Variants in PEBP4 observed in about 807,000 individuals in gnomAD.
PEBP4 encodes phosphatidylethanolamine-binding protein 4.
In PEBP4, 22 loss-of-function variants were observed where a neutral mutation model predicts 23.9. The observed-to-expected ratio is 0.92, with a 90% CI of 0.66 to 1.31. PEBP4 has a LOEUF of 1.31. Among genes scored for constraint, PEBP4 ranks in the 40% most tolerant of loss-of-function variants. The pLI, the probability that PEBP4 is intolerant of heterozygous loss-of-function variation, is 0.00. For missense variants in PEBP4, 324 were observed against 281.7 expected, an observed-to-expected ratio of 1.15 and a Z score of -1.07; for synonymous variants, 112 against 99.3, an observed-to-expected ratio of 1.13 and a Z score of -0.76.
At chr8:22,745,336 C>T (rs979314219) in intron 4 of PEBP4, among the ~76,000 whole-genome samples, 4 of 152,148 alleles carry the variant, frequency 2.6e-5, no homozygotes, top group Non-Finnish European at 5.9e-5. Context: ...CCTTGGGTCC[C>T]GCAGAGGATT....
At chr8:22,845,588 T>G (rs1807415791) in intron 3 of PEBP4, among the ~76,000 whole-genome samples, 1 of 152,174 alleles carries the variant, frequency 6.6e-6, no homozygotes, top group Non-Finnish European at 1.5e-5. Flanking sequence ...GAGCCTCCTC[T>G]GATCTTGCCA....
At position 22,713,395 on chromosome 8, in the gene PEBP4, T is replaced by G. The variant is rs780546856; in HGVS notation, c.659A>C (p.Asn220Thr). The change falls in exon 7 of 7, where the codon AAC (asparagine) becomes ACC (threonine). Residue 220 changes from asparagine to threonine, a missense_variant. By Grantham distance (65) the Asn-to-Thr change is moderately conservative. Transcript: ENST00000256404. ...CTAGCAGGCAGCTATCTCCGCCTGG[T>G]TTTTGTGCTTGGGCTCGCTGGCCCT... ...RERASEPKHKNQAEIAAC is the reference protein window; with the variant it reads ...RERASEPKHKTQAEIAAC 1.3e-6 allele frequency: 1 copy of G among 765,032 alleles called. No individual in the cohort carries two copies. Among genetic ancestry groups the G allele is most frequent in the African/African-American group, 2.4e-5 (1 of 41,104 alleles). 47.4% of individuals were successfully genotyped at this position (765,032 alleles called of 1,614,324 possible). A position where few individuals can be genotyped will look rare whatever the true frequency, so the allele number is the denominator to read the frequency against.
At chr8:22,804,051 GGT>G (rs747178858) in intron 4 of PEBP4, among the ~76,000 whole-genome samples, 15 of 152,226 alleles carry the variant, frequency 9.9e-5, no homozygotes, top group Non-Finnish European at 2.1e-4. Context: ...GCAGGGGCTG[GGT>G]GCGGTGGCTC....
At chr8:22,771,510 T>A (rs1209944180) in intron 4 of PEBP4, among the ~76,000 whole-genome samples, 1 of 151,788 alleles carries the variant, frequency 6.6e-6, no homozygotes, top group Non-Finnish European at 1.5e-5. Flanking sequence ...AAAAAGAAAA[T>A]TTGTATAGAT....
intron 4 of PEBP4, chr8:22,757,450 T>G (rs1028056): frequency 0.69 from 105,008 of 152,272 alleles, 36,919 homozygotes; most frequent in Middle Eastern, 0.76. Flanking sequence ...GCTTCCTTCC[T>G]CCAGGCAGCT....
intron 4 of PEBP4, among the ~76,000 whole-genome samples, chr8:22,759,513 G>C (rs1185279827): frequency 6.6e-6 from 1 of 152,122 alleles, no homozygotes; most frequent in Non-Finnish European, 1.5e-5. Context: ...ACCATGAGGG[G>C]TAGAGGTGCC....
At chr8:22,762,076 G>A (rs1283362029) in intron 4 of PEBP4, among the ~76,000 whole-genome samples, 3 of 145,702 alleles carry the variant, frequency 2.1e-5, no homozygotes, top group Non-Finnish European at 4.5e-5. Context: ...CCCTATGTTA[G>A]TTTGCTTATT....
intron 3 of PEBP4, among the ~76,000 whole-genome samples, chr8:22,848,293 G>A (rs769188074): frequency 6.6e-6 from 1 of 152,194 alleles, no homozygotes; most frequent in Non-Finnish European, 1.5e-5. Flanking sequence ...TTATCCAAGG[G>A]AGTGCAGCTC....
chr8:22,752,802 A>G (rs1005176372), intron 4 of PEBP4, among the ~76,000 whole-genome samples: 2 of 152,228 alleles, frequency 1.3e-5, no homozygotes, highest in Non-Finnish European at 2.9e-5. Flanking sequence ...TTCTGTTTCT[A>G]GGAAAAGGGA....
chr8:22,849,235 T>G (rs1033113544), intron 3 of PEBP4, among the ~76,000 whole-genome samples: 39 of 152,366 alleles, frequency 2.6e-4, no homozygotes, highest in Middle Eastern at 3.4e-3. Flanking sequence ...TATTCTCTCA[T>G]TTTACAAATG....
intron 3 of PEBP4, chr8:22,880,625 G>A (rs1808232044): frequency 3.3e-5 from 5 of 152,472 alleles, no homozygotes; most frequent in Admixed American, 1.3e-4. Flanking sequence ...GGGCTCTGGG[G>A]ACAGCTCCAG....
At position 22,865,032 on chromosome 8, in the gene PEBP4, G is replaced by C. The variant is rs562579416; in HGVS notation, c.259-47297C>G. Among the ~76,000 whole-genome samples, 1 of 152,300 alleles carries C rather than the reference G, an allele frequency of 6.6e-6. No individual in the cohort carries two copies. The highest frequency in any genetic ancestry group is 1.5e-5 in the Non-Finnish European group (1 of 68,002). On this transcript the variant is annotated intron_variant, in intron 3 of 6. Coordinates refer to ENST00000256404, the MANE Select transcript of PEBP4 (RefSeq NM_144962.3). This position sits in a 1 kb window ranked among gnomAD's most constrained non-coding sequence, Gnocchi z 6.9. Reference sequence around the variant, plus strand: ...GTGTGACCGTGAGAGAGGGAGGCAGGCGGCGAGGCCAAGGGGTAGGTCACC... The same window carrying C: ...GTGTGACCGTGAGAGAGGGAGGCAGCCGGCGAGGCCAAGGGGTAGGTCACC...
chr8:22,819,213 A>T (rs893685288), intron 3 of PEBP4, among the ~76,000 whole-genome samples: 4 of 152,170 alleles, frequency 2.6e-5, no homozygotes, highest in Non-Finnish European at 5.9e-5. Context: ...AGAATCAGGG[A>T]AAGGGGACTT....
At chr8:22,814,180 A>T (rs1422824267) in intron 4 of PEBP4, among the ~76,000 whole-genome samples, 3 of 152,238 alleles carry the variant, frequency 2.0e-5, no homozygotes, top group Non-Finnish European at 4.4e-5. Context: ...GAGTGAGTAT[A>T]TTGAGACACA....
chr8:22,898,316 T>C (rs1187973526), intron 3 of PEBP4, among the ~76,000 whole-genome samples: 1 of 141,458 alleles, frequency 7.1e-6, no homozygotes, highest in Non-Finnish European at 1.5e-5. Flanking sequence ...TGCTTGGACC[T>C]GGAAGGCAGA....
intron 4 of PEBP4, among the ~76,000 whole-genome samples, chr8:22,770,270 G>A (rs540728068): frequency 6.6e-6 from 1 of 152,338 alleles, no homozygotes; most frequent in East Asian, 1.9e-4. Context: ...AGCTGTGGGA[G>A]GTGGCCCTGG....
chr8:22,726,301 C>T lies in PEBP4; in HGVS notation c.403+874G>A, dbSNP rs191798231. ...GGTATGGAGGGCAGATGGGACAAGT[C>T]AGTGTGGGCAAGATGTGTGGGCATG... On this transcript the variant is annotated intron_variant, in intron 5 of 6. Coordinates refer to ENST00000256404, the MANE Select transcript of PEBP4 (RefSeq NM_144962.3). Among the ~76,000 whole-genome samples, 86 of 152,276 alleles carry T rather than the reference C, an allele frequency of 5.6e-4. 1 individual carries two copies. The highest frequency in any genetic ancestry group is 2.1e-3 in the Admixed American group (32 of 15,290).
intron 2 of PEBP4, chr8:22,924,790 C>A: frequency 7.1e-6 from 7 of 985,292 alleles, no homozygotes; most frequent in Non-Finnish European, 8.4e-6. Flanking sequence ...GCGACTGAGC[C>A]CAGGGTTGGG....
intron 3 of PEBP4, among the ~76,000 whole-genome samples, chr8:22,858,502 T>G (rs1003388411): frequency 2.6e-5 from 4 of 152,242 alleles, no homozygotes; most frequent in Admixed American, 2.6e-4. Flanking sequence ...TATCTCATCC[T>G]GTTACTCAGA....
Sources: gnomAD v4.1 joint callset for allele counts (sites outside exome capture counted in the v4.1 genomes callset) on GRCh38, gnomAD v4.1.1 for gene constraint, Gnocchi (gnomAD v3.1) non-coding constraint, MANE v1.5 for transcripts, NCBI Gene and HGNC (gene_info 2026-07-23, HGNC 2026-07-21) for gene names.